Variants in ENPP2 observed in about 807,000 individuals in gnomAD.
ENPP2 encodes the protein ectonucleotide pyrophosphatase/phosphodiesterase 2, also known as autotaxin.
A neutral mutation model predicts 120.2 loss-of-function variants in ENPP2; 51 were observed. The ratio of observed to expected loss-of-function variants is 0.42; its 90% CI spans 0.34 to 0.54. ENPP2 has a LOEUF of 0.54. Ranked by LOEUF, ENPP2 falls within the 20% of genes least tolerant of loss-of-function variation. The probability of loss-of-function intolerance (pLI) is 0.04; values close to 1 mark genes in which losing one functional copy is unlikely to be tolerated. For missense variants in ENPP2, 920 were observed against 1,066.5 expected (o/e 0.86, Z 1.91); for synonymous variants, 365 against 366.4 (o/e 1.00, Z 0.04).
At chr8:119,609,227 G>T (rs1587469458) in intron 8 of ENPP2, among the ~76,000 whole-genome samples, 1 of 152,134 alleles carries the variant, frequency 6.6e-6, no homozygotes, top group South Asian at 2.1e-4. Flanking sequence ...CTCGAAAAGG[G>T]TTCCAGCCCC....
chr8:119,562,770 T>C, intron 24 of ENPP2, 87 bp downstream of exon 24: 1 of 1,266,424 alleles, frequency 7.9e-7, no homozygotes, highest in Non-Finnish European at 1.1e-6. Context: ...ATAATAAGTA[T>C]GTTCTAGTTC....
At chr8:119,574,445 C>A (rs932992383) in intron 19 of ENPP2, among the ~76,000 whole-genome samples, 4 of 151,522 alleles carry the variant, frequency 2.6e-5, no homozygotes, top group African/African-American at 9.7e-5. Context: ...AATTCCAGAC[C>A]GAGCCTTCAT....
At chr8:119,655,299 C>T (rs952538286) in intron 1 of ENPP2, among the ~76,000 whole-genome samples, 3 of 152,144 alleles carry the variant, frequency 2.0e-5, no homozygotes, top group Non-Finnish European at 4.4e-5. Context: ...AGAGAGTCAC[C>T]GCATATTTGA....
In ENPP2 at chr8:119,626,705, G is replaced by A. The variant is rs1222196302; in HGVS notation, c.152C>T (p.Pro51Leu). The change falls in exon 3 of 25, where the codon CCC (proline) becomes CTC (leucine). Residue 51 changes from proline (P) to leucine (L), a missense_variant. Transcript: ENST00000075322. ...GCAAGATCCGGAGATGTTGGTCCAG[G>A]GGGAGTCTGATAGCACTGCAAAGAA... ...EGPPTVLSDS[P>L]WTNISGSCKG... 1 of 1,614,036 alleles carries A rather than the reference G, an allele frequency of 6.2e-7. No individual in the cohort carries two copies. The highest frequency in any genetic ancestry group is 1.3e-5 in the African/African-American group (1 of 75,038).
At chr8:119,597,387 A>G (rs953190982) in intron 11 of ENPP2, among the ~76,000 whole-genome samples, 1 of 152,188 alleles carries the variant, frequency 6.6e-6, no homozygotes, top group Non-Finnish European at 1.5e-5. Flanking sequence ...AGCCCTTCCA[A>G]TTGCAGCAGG....
At chr8:119,581,774 T>G (rs1458546485) in intron 18 of ENPP2, among the ~76,000 whole-genome samples, 9 of 151,656 alleles carry the variant, frequency 5.9e-5, no homozygotes, top group Admixed American at 5.9e-4. Flanking sequence ...TTTTTTTTTT[T>G]TTTGAGTCAG....
intron 9 of ENPP2, among the ~76,000 whole-genome samples, chr8:119,605,426 A>ATGTGTGTGTGTG (rs1491174876): frequency 7.2e-6 from 1 of 138,404 alleles, no homozygotes; most frequent in African/African-American, 2.8e-5. Flanking sequence ...TGAAGATACC[A>ATGTGTGTGTGTG]TATATGTGTG....
chr8:119,590,486 ATTT>A lies in ENPP2; in HGVS notation c.1207+16_1207+18del, dbSNP rs769377271. 1.5e-5 allele frequency: 23 copies of A among 1,580,172 alleles called. No homozygotes were observed. Among genetic ancestry groups the A allele is most frequent in the Non-Finnish European group, 2.0e-5 (23 of 1,164,596 alleles). ...TGTATTACCACTCTAACCACTTAAT[ATTT>A]TAAGAATCAACTTACATTTAGCATT... On this transcript the variant is annotated intron_variant, in intron 13 of 24. Coordinates refer to ENST00000075322, the MANE Select transcript of ENPP2 (RefSeq NM_001040092.3).
rs904280880 is a variant in ENPP2, at chr8:119,580,309, A to G, written c.1729-142T>C. Reference sequence around the variant, plus strand: ...ATCTATATCATACATTCTTTCGAGGAATTAACTGTTTTCTCTCAAACTGAC... The same window carrying G: ...ATCTATATCATACATTCTTTCGAGGGATTAACTGTTTTCTCTCAAACTGAC... On this transcript the variant is annotated intron_variant, in intron 18 of 24. Coordinates refer to ENST00000075322, the MANE Select transcript of ENPP2 (RefSeq NM_001040092.3). The G allele has an allele frequency of 4.2e-6, 3 of 710,208 alleles. No homozygotes were observed. The African/African-American group carries it at 5.3e-5, about 13-fold the overall frequency. The allele number at this position is 710,208 out of a possible 1,614,324, so 44.0% of individuals were successfully genotyped here.
At chr8:119,620,544 A>T (rs1327114356) in intron 4 of ENPP2, among the ~76,000 whole-genome samples, 1 of 152,216 alleles carries the variant, frequency 6.6e-6, no homozygotes, top group African/African-American at 2.4e-5. Context: ...TAAATGTTCC[A>T]CATCAGAGAT....
chr8:119,600,853 T>G (rs184311101), intron 10 of ENPP2, 103 bp from the exon 11 acceptor site: 12 of 758,194 alleles, frequency 1.6e-5, no homozygotes, highest in Non-Finnish European at 8.9e-6. Flanking sequence ...TTCTCAAGTT[T>G]AATTTATCCT....
At chr8:119,595,814 G>A (rs764986781) in intron 11 of ENPP2, 15 of 1,608,936 alleles carry the variant, frequency 9.3e-6, no homozygotes, top group Admixed American at 3.3e-5. Context: ...AGACCTGCCC[G>A]CCACAAAGCT....
intron 8 of ENPP2, among the ~76,000 whole-genome samples, chr8:119,610,019 G>C (rs1288186894): frequency 2.0e-5 from 3 of 152,158 alleles, no homozygotes; most frequent in African/African-American, 7.2e-5. Flanking sequence ...CACTGGAAGA[G>C]GTCTTTACAG....
chr8:119,633,062 C>T (rs1816781214), intron 2 of ENPP2, among the ~76,000 whole-genome samples: 1 of 152,104 alleles, frequency 6.6e-6, no homozygotes, highest in South Asian at 2.1e-4. Context: ...TCTCAAAAAA[C>T]AACAACAACA....
At chr8:119,633,746 CTT>C (rs1226972672) in intron 2 of ENPP2, among the ~76,000 whole-genome samples, 1 of 151,972 alleles carries the variant, frequency 6.6e-6, no homozygotes, top group Admixed American at 6.6e-5. Flanking sequence ...AAATACATAA[CTT>C]TTTATAAATA....
chr8:119,598,672 A>T (rs1179615283), intron 11 of ENPP2, among the ~76,000 whole-genome samples: 3 of 152,228 alleles, frequency 2.0e-5, no homozygotes, highest in Non-Finnish European at 4.4e-5. Context: ...TTAAGGTTTG[A>T]GTTATACCTC....
intron 22 of ENPP2, 63 bp from the exon 23 acceptor site, chr8:119,565,018 A>G: frequency 1.3e-6 from 2 of 1,501,426 alleles, no homozygotes; most frequent in Non-Finnish European, 1.8e-6. Context: ...CTCTAGCCAA[A>G]TTCTCTCTAG....
intron 1 of ENPP2, among the ~76,000 whole-genome samples, chr8:119,668,027 C>A (rs1417751284): frequency 6.6e-6 from 1 of 152,150 alleles, no homozygotes; most frequent in African/African-American, 2.4e-5. Flanking sequence ...CTTTGGGTCT[C>A]AATTTAGACA....
At chr8:119,625,676 T>G (rs766919693) in intron 3 of ENPP2, among the ~76,000 whole-genome samples, 5 of 152,194 alleles carry the variant, frequency 3.3e-5, no homozygotes, top group Admixed American at 1.3e-4. Context: ...CTTTCTCAGA[T>G]AGTTTGTGTA....
Sources: allele counts gnomAD v4.1 joint callset (sites outside exome capture counted in the v4.1 genomes callset), GRCh38; gene constraint gnomAD v4.1.1; transcripts MANE v1.5; gene names NCBI Gene and HGNC (gene_info 2026-07-23, HGNC 2026-07-21).